Variants in HECW2 observed in about 807,000 individuals in gnomAD.
HECW2 encodes the protein HECT, C2 and WW domain containing E3 ubiquitin protein ligase 2, also known as E3 ubiquitin-protein ligase HECW2.
In HECW2, 61 loss-of-function variants were observed where a neutral mutation model predicts 175.2. That is an observed-to-expected ratio of 0.35 (90% CI 0.28 to 0.43). HECW2 has a LOEUF of 0.43. HECW2 is among the 20% of genes least tolerant of loss of function. HECW2 has a pLI of 1.00. For missense variants in HECW2, 1,524 were observed against 2,000.5 expected (o/e 0.76, Z 4.54); for synonymous variants, 671 against 731.0 (o/e 0.92, Z 1.32).
At chr2:196,466,959 C>T (rs1298341441) in intron 1 of HECW2, among the ~76,000 whole-genome samples, 3 of 152,092 alleles carry the variant, frequency 2.0e-5, no homozygotes, top group African/African-American at 4.8e-5. Flanking sequence ...TAACTCCAAC[C>T]GTCTTAGTTT....
At chr2:196,346,008 A>T (rs992527884) in intron 2 of HECW2, among the ~76,000 whole-genome samples, 1 of 152,208 alleles carries the variant, frequency 6.6e-6, no homozygotes, top group South Asian at 2.1e-4. Flanking sequence ...AAAGCTTTTT[A>T]AAAAAGTAGT....
chr2:196,446,828 G>C (rs1466126667), intron 1 of HECW2, among the ~76,000 whole-genome samples: 1 of 152,192 alleles, frequency 6.6e-6, no homozygotes, highest in African/African-American at 2.4e-5. Context: ...TCACAAACAA[G>C]AGTGTCAAAC....
At chr2:196,506,092 T>A (rs949429841) in intron 1 of HECW2, among the ~76,000 whole-genome samples, 2 of 151,656 alleles carry the variant, frequency 1.3e-5, no homozygotes, top group African/African-American at 4.8e-5. Flanking sequence ...TCAAGTTCAG[T>A]GAGGAGGGGA....
intron 1 of HECW2, among the ~76,000 whole-genome samples, chr2:196,557,121 T>C (rs1437384855): frequency 6.6e-6 from 1 of 152,092 alleles, no homozygotes; most frequent in Admixed American, 6.5e-5. Context: ...TCTGGCAGGG[T>C]GCAGTGACTC....
At chr2:196,214,651 G>A (rs893309472) in intron 28 of HECW2, among the ~76,000 whole-genome samples, 2 of 152,222 alleles carry the variant, frequency 1.3e-5, no homozygotes, top group Non-Finnish European at 2.9e-5. Context: ...TGCACAGCCT[G>A]TTCAGACTGT....
intron 2 of HECW2, among the ~76,000 whole-genome samples, chr2:196,353,544 T>C (rs886504384): frequency 8.5e-5 from 13 of 152,156 alleles, no homozygotes; most frequent in African/African-American, 2.9e-4. Context: ...TAATATTTGG[T>C]TGAATGGAAG....
intron 1 of HECW2, among the ~76,000 whole-genome samples, chr2:196,453,716 G>T (rs1412443403): frequency 6.6e-6 from 1 of 152,118 alleles, no homozygotes; most frequent in Non-Finnish European, 1.5e-5. Flanking sequence ...TCATCAGGAA[G>T]CTCAGGCAAA....
intron 2 of HECW2, among the ~76,000 whole-genome samples, chr2:196,350,019 C>T (rs190334297): frequency 2.6e-4 from 39 of 152,298 alleles, no homozygotes; most frequent in African/African-American, 7.7e-4. Context: ...TCCAGGGCAA[C>T]GAATGCCCAA....
At chr2:196,324,754 T>A (rs1242165951) in intron 6 of HECW2, among the ~76,000 whole-genome samples, 1 of 151,928 alleles carries the variant, frequency 6.6e-6, no homozygotes, top group Non-Finnish European at 1.5e-5. Flanking sequence ...AACAATTGAG[T>A]TTTTTGGAGG....
In HECW2 at chr2:196,292,745, G is replaced by A. The variant is rs1233910695; in HGVS notation, c.2820C>T (p.Ala940=). 1 of 1,610,752 alleles carries A rather than the reference G, an allele frequency of 6.2e-7. No homozygotes were observed. Among genetic ancestry groups the A allele is most frequent in the South Asian group, 1.1e-5 (1 of 90,898 alleles). The part of the protein sequence containing the change: ...FFTVLHSNPS[A]YRMFTNNTCL... Reference sequence around the variant, plus strand: ...ACGTGTTGTTTGTAAACATGCGGTAGGCACTCTAAAGAAAAGAATGGAGAA... The same window carrying A: ...ACGTGTTGTTTGTAAACATGCGGTAAGCACTCTAAAGAAAAGAATGGAGAA... The change falls in exon 14 of 29, where the codon GCC becomes GCT. Residue 940 remains alanine (A), a synonymous_variant. Transcript: ENST00000644978.
intron 1 of HECW2, among the ~76,000 whole-genome samples, chr2:196,475,305 A>G (rs1265238943): frequency 1.4e-5 from 2 of 145,588 alleles, no homozygotes; most frequent in Non-Finnish European, 3.0e-5. Context: ...GGGAAGGAGA[A>G]GGGAGTGGGG....
intron 1 of HECW2, among the ~76,000 whole-genome samples, chr2:196,475,046 T>C (rs1686518443): frequency 6.6e-6 from 1 of 152,048 alleles, no homozygotes; most frequent in African/African-American, 2.4e-5. Flanking sequence ...GCTTGGTCCA[T>C]GGTTCCACGG....
At chr2:196,426,943 A>T (rs556940911) in intron 2 of HECW2, among the ~76,000 whole-genome samples, 2 of 152,314 alleles carry the variant, frequency 1.3e-5, no homozygotes, top group South Asian at 4.1e-4. Context: ...ATATATTACC[A>T]TGATACTTTT....
At chr2:196,377,512 C>A (rs1327496121) in intron 2 of HECW2, among the ~76,000 whole-genome samples, 1 of 152,148 alleles carries the variant, frequency 6.6e-6, no homozygotes, top group Admixed American at 6.5e-5. Flanking sequence ...CAGGGGAACT[C>A]CCCTTTATAA....
At chr2:196,337,572 A>T (rs1436344015) in intron 3 of HECW2, among the ~76,000 whole-genome samples, 2 of 39,188 alleles carry the variant, frequency 5.1e-5, no homozygotes, top group Admixed American at 4.0e-4. Context: ...AAAAAATAAA[A>T]AAATATATAT....
At chr2:196,262,217 G>A (rs1689323281) in intron 17 of HECW2, among the ~76,000 whole-genome samples, 1 of 152,070 alleles carries the variant, frequency 6.6e-6, no homozygotes, top group African/African-American at 2.4e-5. Flanking sequence ...TGTAGAGACA[G>A]GGTCTTGCTA....
chr2:196,245,575 G>A (rs145890827), intron 19 of HECW2, among the ~76,000 whole-genome samples: 1 of 152,322 alleles, frequency 6.6e-6, no homozygotes, highest in East Asian at 1.9e-4. Flanking sequence ...GAGTTAGTGT[G>A]TTTATGGCAC....
At chr2:196,499,405 A>C (rs976129570) in intron 1 of HECW2, among the ~76,000 whole-genome samples, 1 of 152,108 alleles carries the variant, frequency 6.6e-6, no homozygotes, top group African/African-American at 2.4e-5. Context: ...TTTTTTAATC[A>C]ATGCAGGTTT....
chr2:196,400,485 T>C (rs949841657), intron 2 of HECW2, among the ~76,000 whole-genome samples: 1 of 152,170 alleles, frequency 6.6e-6, no homozygotes, highest in Admixed American at 6.5e-5. Context: ...AGCCTAGAAA[T>C]AGTTCAGAAG....
Sources: gnomAD v4.1 joint callset for allele counts (sites outside exome capture counted in the v4.1 genomes callset) on GRCh38, gnomAD v4.1.1 for gene constraint, MANE v1.5 for transcripts, NCBI Gene and HGNC (gene_info 2026-07-23, HGNC 2026-07-21) for gene names.